The following SLC4A10 variants were observed in gnomAD, a reference collection of about 807,000 sequenced individuals.
SLC4A10 encodes solute carrier family 4 member 10.
A neutral mutation model predicts 137.7 loss-of-function variants in SLC4A10; 42 were observed. The ratio of observed to expected loss-of-function variants is 0.30; its 90% confidence interval spans 0.24 to 0.39. SLC4A10 has a LOEUF of 0.39. Ranked by LOEUF, SLC4A10 falls within the 10% of genes least tolerant of loss-of-function variation. SLC4A10 has a pLI of 1.00. For synonymous variants in SLC4A10, 474 were observed against 464.1 expected, an observed-to-expected ratio of 1.02 and a Z score of -0.27; for missense variants, 925 against 1,355.0, an observed-to-expected ratio of 0.68 and a Z score of 4.98.
At chr2:161,651,799 C>T (rs1378292658) in intron 1 of SLC4A10, among the ~76,000 whole-genome samples, 7 of 148,168 alleles carry the variant, frequency 4.7e-5, no homozygotes, top group Non-Finnish European at 1.0e-4. Context: ...CACACACATC[C>T]CTCCCTGCTC....
At chr2:161,958,327 A>T (rs2105874897) in intron 20 of SLC4A10, among the ~76,000 whole-genome samples, 160 bp from the exon 21 acceptor site, 1 of 152,320 alleles carries the variant, frequency 6.6e-6, no homozygotes, top group African/African-American at 2.4e-5. Context: ...TTACACAGCT[A>T]AAAATGCTAG....
intron 1 of SLC4A10, among the ~76,000 whole-genome samples, chr2:161,748,068 G>GA (rs2048563100): frequency 6.6e-6 from 1 of 151,980 alleles, no homozygotes; most frequent in East Asian, 1.9e-4. Flanking sequence ...GTCTTCTTTG[G>GA]AAAAAATGTA....
chr2:161,796,591 A>T (rs933671033), intron 2 of SLC4A10, among the ~76,000 whole-genome samples: 5 of 152,212 alleles, frequency 3.3e-5, no homozygotes, highest in African/African-American at 1.2e-4. Flanking sequence ...GGAGGAATAT[A>T]TTCCAACTCT....
At chr2:161,686,458 T>C (rs2041415930) in intron 1 of SLC4A10, among the ~76,000 whole-genome samples, 1 of 152,216 alleles carries the variant, frequency 6.6e-6, no homozygotes, top group Non-Finnish European at 1.5e-5. Context: ...ATCATTCACT[T>C]ACAGGTACAG....
intron 15 of SLC4A10, among the ~76,000 whole-genome samples, chr2:161,930,966 C>G (rs1012972225): frequency 2.0e-5 from 3 of 148,240 alleles, no homozygotes; most frequent in African/African-American, 7.4e-5. Flanking sequence ...GCGTCTCGCT[C>G]TGTGGCCCAA....
intron 1 of SLC4A10, among the ~76,000 whole-genome samples, chr2:161,743,701 C>T (rs796764619): frequency 6.6e-6 from 1 of 151,844 alleles, no homozygotes; most frequent in African/African-American, 2.4e-5. Context: ...ATAGGGATTG[C>T]ATTAAATCTA....
At chr2:161,922,218 G>T (rs989572712) in intron 15 of SLC4A10, among the ~76,000 whole-genome samples, 3 of 152,118 alleles carry the variant, frequency 2.0e-5, no homozygotes, top group Non-Finnish European at 2.9e-5. Context: ...ATGAGAAAAA[G>T]TTTAAGAATT....
rs1342329133 is a variant in SLC4A10 at position 161,983,271 on chromosome 2, T to C, written c.*119T>C. ...CTCGATCTTCAATTTATTTTTTACA[T>C]ATATATGAGAAGAGTGTCACAATTA... On this transcript the variant is annotated 3_prime_UTR_variant, in exon 27 of 27. Transcript: ENST00000446997. 2.6e-6 allele frequency: 4 copies of C among 1,524,374 alleles called. No individual in the cohort carries two copies. Among genetic ancestry groups the C allele is most frequent in the Non-Finnish European group, 3.5e-6 (4 of 1,136,732 alleles). The allele number at this position is 1,524,374 out of a possible 1,614,324, so 94.4% of individuals were successfully genotyped here.
At chr2:161,790,859 G>GA (rs1014497553) in intron 2 of SLC4A10, among the ~76,000 whole-genome samples, 6 of 151,468 alleles carry the variant, frequency 4.0e-5, no homozygotes, top group African/African-American at 1.2e-4. Context: ...GCTGACATAG[G>GA]AAAAAAAAGC....
intron 1 of SLC4A10, among the ~76,000 whole-genome samples, chr2:161,686,850 A>T (rs1199945201): frequency 2.6e-5 from 4 of 151,230 alleles, no homozygotes; most frequent in African/African-American, 4.8e-5. Context: ...CTGGTTGCCC[A>T]TTTTTTTGGT....
At chr2:161,711,976 C>G (rs2044340816) in intron 1 of SLC4A10, among the ~76,000 whole-genome samples, 1 of 151,822 alleles carries the variant, frequency 6.6e-6, no homozygotes. Context: ...TTGTTATAGA[C>G]ATTCTAAGAG....
At chr2:161,947,312 T>G (rs1693993407) in intron 16 of SLC4A10, among the ~76,000 whole-genome samples, 1 of 152,146 alleles carries the variant, frequency 6.6e-6, no homozygotes. Context: ...AATTAATTGG[T>G]AAATCAATCG....
At chr2:161,858,085 C>T (rs2060205788) in intron 5 of SLC4A10, among the ~76,000 whole-genome samples, 2 of 152,050 alleles carry the variant, frequency 1.3e-5, no homozygotes, top group Admixed American at 6.6e-5. Flanking sequence ...AAACTTTTTC[C>T]TCAGCTCTTA....
intron 10 of SLC4A10, among the ~76,000 whole-genome samples, chr2:161,889,267 G>A (rs2062657171): frequency 6.6e-6 from 1 of 152,050 alleles, no homozygotes; most frequent in Admixed American, 6.6e-5. Context: ...CATCTGCCAC[G>A]TTTTGGTATC....
chr2:161,877,954 GATTA>G (rs2061533658), intron 8 of SLC4A10, among the ~76,000 whole-genome samples: 1 of 151,980 alleles, frequency 6.6e-6, no homozygotes. Flanking sequence ...TCTTTGGAAA[GATTA>G]ATTAGTTACA....
intron 19 of SLC4A10, among the ~76,000 whole-genome samples, chr2:161,954,689 G>T (rs1262594667): frequency 6.6e-6 from 1 of 152,108 alleles, no homozygotes; most frequent in Non-Finnish European, 1.5e-5. Context: ...AAATCAAGAT[G>T]CTGCCATTGT....
chr2:161,919,803 TGAG>T (rs2105489008), intron 15 of SLC4A10, among the ~76,000 whole-genome samples: 1 of 151,872 alleles, frequency 6.6e-6, no homozygotes, highest in East Asian at 1.9e-4. Flanking sequence ...ATGTTGCAGG[TGAG>T]GAGGAGAGAA....
At chr2:161,782,713 T>G (rs2053179186) in intron 2 of SLC4A10, among the ~76,000 whole-genome samples, 1 of 146,426 alleles carries the variant, frequency 6.8e-6, no homozygotes, top group African/African-American at 2.6e-5. Flanking sequence ...AAAAATTCAC[T>G]AGAGGGATTC....
rs76744623 is a variant in SLC4A10, at chr2:161,702,308, A to G, written c.49-68665A>G. Among the ~76,000 whole-genome samples the G allele has an allele frequency of 7.2e-5, 11 of 152,090 alleles. No homozygotes were observed. The East Asian group carries it at 1.9e-3, about 27-fold the overall frequency. On this transcript the variant is annotated intron_variant, in intron 1 of 26. Transcript: ENST00000446997. ...TGAAATAAGCCAAGATTGCATTTTA[A>G]TTATAGCTAAGTTTATCAAAAAATT...
Sources: allele counts gnomAD v4.1 joint callset (sites outside exome capture counted in the v4.1 genomes callset), GRCh38; gene constraint gnomAD v4.1.1; transcripts MANE v1.5; gene names NCBI Gene and HGNC (gene_info 2026-07-23, HGNC 2026-07-21).